Variants in ABCC4 observed in about 807,000 individuals in gnomAD.
ABCC4 encodes ATP binding cassette subfamily C member 4 (PEL blood group).
Under a neutral mutation model 168.5 loss-of-function variants are expected in ABCC4, and 102 were observed. That is an observed-to-expected ratio of 0.61 (90% CI 0.52 to 0.71). The LOEUF (loss-of-function observed/expected upper bound fraction) is 0.71, where lower values mean the gene tolerates loss of function less well. ABCC4 is among the 30% of genes least tolerant of loss of function. The pLI is 0.00. For missense variants in ABCC4, 1,402 were observed against 1,605.8 expected (o/e 0.87, Z 2.17); for synonymous variants, 617 against 590.7 (o/e 1.04, Z -0.65).
rs938330142 is a variant in ABCC4, at chr13:95,042,088, T to C, written c.3735+1594A>G. Among the ~76,000 whole-genome samples, 4 of 152,292 alleles carry C rather than the reference T, an allele frequency of 2.6e-5. No individual in the cohort carries two copies. In the East Asian group the frequency reaches 5.8e-4, roughly 22 times the overall value. ...AGATCGCCATAGATGGAGACACTAA[T>C]GGAGTTGGGAGTGAGAAGGAAAGCT... is the stretch of plus-strand genomic sequence containing the variant. On this transcript the variant is annotated intron_variant, in intron 29 of 30. Coordinates refer to ENST00000645237, the MANE Select transcript of ABCC4 (RefSeq NM_005845.5).
intron 11 of ABCC4, among the ~76,000 whole-genome samples, chr13:95,181,524 T>C (rs532185966): frequency 6.6e-6 from 1 of 152,382 alleles, no homozygotes; most frequent in East Asian, 1.9e-4. Flanking sequence ...TTTATATTTC[T>C]TAGGAAGGAC....
intron 1 of ABCC4, among the ~76,000 whole-genome samples, chr13:95,287,077 T>C (rs535104556): frequency 2.0e-5 from 3 of 152,158 alleles, no homozygotes; most frequent in South Asian, 2.1e-4. Flanking sequence ...GGTGGGCAGA[T>C]TGGCTGAGCT....
rs1353651757 is a variant in ABCC4, at chr13:95,127,389, G to A, written c.2456-11388C>T. On this transcript the variant is annotated intron_variant, in intron 19 of 30. Transcript: ENST00000645237. ...CAACCTCCGCCTCCTGGGTTCAAGC[G>A]ATTCTCCTGCCTCAGCCTCTCAAGT... is the stretch of plus-strand genomic sequence containing the variant. Among the ~76,000 whole-genome samples, 2 of 152,068 alleles carry A rather than the reference G, an allele frequency of 1.3e-5. 1 individual carries two copies. The highest frequency in any genetic ancestry group is 4.1e-4 in the South Asian group (2 of 4,822).
At position 95,210,854 on chromosome 13, in the gene ABCC4, C is replaced by T. The variant is rs996152720; in HGVS notation, c.532-73G>A. 8 of 1,126,240 alleles carry T rather than the reference C, an allele frequency of 7.1e-6. No individual in the cohort carries two copies. The African/African-American group carries it at 1.2e-4, about 17-fold the overall frequency. The allele number at this position is 1,126,240 out of a possible 1,614,324, so 69.8% of individuals were successfully genotyped here. ...AAGTCAGGCTTAGGACACAGCAGAC[C>T]TGAGGAAGTCTCGTGTGATGTCAAG... On this transcript the variant is annotated intron_variant, in intron 4 of 30. Transcript: ENST00000645237.
At chr13:95,028,471 C>T (rs143432922) in intron 30 of ABCC4, among the ~76,000 whole-genome samples, 24 of 152,184 alleles carry the variant, frequency 1.6e-4, no homozygotes, top group African/African-American at 5.5e-4. Flanking sequence ...AAACAAACCG[C>T]TACCACCAAA....
At chr13:95,299,947 T>C (rs1355110178) in intron 1 of ABCC4, among the ~76,000 whole-genome samples, 2 of 152,140 alleles carry the variant, frequency 1.3e-5, no homozygotes, top group African/African-American at 4.8e-5. Flanking sequence ...GTTCAAGCAA[T>C]TCCCCTGCCT....
rs1283612768 is a variant in ABCC4 at position 95,129,511 on chromosome 13, T to C, written c.2456-13510A>G. Among the ~76,000 whole-genome samples the C allele has an allele frequency of 3.3e-5, 5 of 152,214 alleles. No homozygotes were observed. The East Asian group carries it at 9.6e-4, about 29-fold the overall frequency. ...CATAGTACTGATTCAGGACTAAGGT[T>C]GTAGGCTATTTGATGATATTCAATT... On this transcript the variant is annotated intron_variant, in intron 19 of 30. Transcript: ENST00000645237.
At chr13:95,183,246 T>C (rs1226677943) in intron 11 of ABCC4, among the ~76,000 whole-genome samples, 1 of 152,168 alleles carries the variant, frequency 6.6e-6, no homozygotes, top group African/African-American at 2.4e-5. Context: ...GTCTTTATAA[T>C]CCTGCTGTAT....
At position 95,074,250 on chromosome 13, in the gene ABCC4, T is replaced by C. The variant is rs1188488998; in HGVS notation, c.2881A>G (p.Ile961Val). 3 of 1,613,942 alleles carry C rather than the reference T, an allele frequency of 1.9e-6. No individual in the cohort carries two copies. The highest frequency in any genetic ancestry group is 2.7e-5 in the African/African-American group (2 of 74,934). Reference protein sequence around the residue: ...RLDAICAMFVIIVAFGSLILA... With the variant: ...RLDAICAMFVVIVAFGSLILA... The stretch of plus-strand genomic sequence containing the variant: ...ATCAGGGACCCAAAGGCAACGATGA[T>C]GACAAACATGGCACAGATGGCATCC... The change falls in exon 23 of 31, where the codon ATC becomes GTC. Residue 961 changes from isoleucine (I) to valine (V), a missense_variant. Physicochemically the swap from Ile to Val is conservative, Grantham distance 29 (BLOSUM62 3). Transcript: ENST00000645237.
At chr13:95,096,184 G>T in intron 20 of ABCC4, 1 of 624,610 alleles carries the variant, frequency 1.6e-6, no homozygotes, top group Non-Finnish European at 2.8e-6. Context: ...CCATCTCTAT[G>T]AAAGAAAAAA....
rs113963106 is a variant in ABCC4 at position 95,197,175 on chromosome 13, G to A, written c.1162-2238C>T. Among the ~76,000 whole-genome samples the A allele has an allele frequency of 1.1e-3, 169 of 152,282 alleles. 2 individuals carry two copies. Among genetic ancestry groups the A allele is most frequent in the African/African-American group, 4.0e-3 (167 of 41,556 alleles). ...GCATGAACACTGCACTGCACACGGG[G>A]TCAGCTCTTCACAGATACATGCTAC... On this transcript the variant is annotated intron_variant, in intron 8 of 30. Transcript: ENST00000645237.
intron 19 of ABCC4, among the ~76,000 whole-genome samples, chr13:95,150,779 A>T (rs1283781318): frequency 6.6e-6 from 1 of 152,164 alleles, no homozygotes; most frequent in East Asian, 1.9e-4. Flanking sequence ...CCTTTCTCCA[A>T]CACACTTTCC....
At position 95,206,788 on chromosome 13, in the gene ABCC4, G is replaced by A; in HGVS notation, c.912-7C>T. The A allele has an allele frequency of 1.2e-6, 2 of 1,613,734 alleles. No individual in the cohort carries two copies. Among genetic ancestry groups the A allele is most frequent in the South Asian group, 2.2e-5 (2 of 91,048 alleles). ...AATCTTGGAAATCTCCTTCCTGAAA[G>A]AGAGTACAGGTTTTTAAAAAAGCAG... On this transcript the variant is annotated splice_region_variant and splice_polypyrimidine_tract_variant and intron_variant, in intron 7 of 30. Coordinates refer to ENST00000645237, the MANE Select transcript of ABCC4 (RefSeq NM_005845.5).
intron 19 of ABCC4, among the ~76,000 whole-genome samples, chr13:95,121,898 G>T (rs759946049): frequency 3.9e-5 from 6 of 152,150 alleles, no homozygotes; most frequent in Non-Finnish European, 7.4e-5. Context: ...CTGAAGAAAG[G>T]TTTCTGCAGG....
chr13:95,049,815 GGC>G (rs2032753024), intron 27 of ABCC4, among the ~76,000 whole-genome samples: 1 of 152,076 alleles, frequency 6.6e-6, no homozygotes, highest in Non-Finnish European at 1.5e-5. Context: ...AGAAATAAAA[GGC>G]ATCTTTCCTT....
intron 19 of ABCC4, among the ~76,000 whole-genome samples, chr13:95,151,617 AAGAAGGAGAAGAAGGAGG>A (rs1037521376): frequency 1.9e-4 from 26 of 137,504 alleles, no homozygotes; most frequent in Admixed American, 3.6e-4. Context: ...GGAGAAGGAG[AAGAAGGAGAAGAAGGAGG>A]AGAAGGAGAA....
At chr13:95,065,167 C>T (rs2033485028) in intron 25 of ABCC4, among the ~76,000 whole-genome samples, 1 of 152,156 alleles carries the variant, frequency 6.6e-6, no homozygotes, top group African/African-American at 2.4e-5. Context: ...ACACCCATCT[C>T]CCAGGTTTTC....
In ABCC4 at chr13:95,206,601, C is replaced by T. The variant is rs1236209020; in HGVS notation, c.1092G>A (p.Thr364=). 1.7e-5 allele frequency: 27 copies of T among 1,614,038 alleles called. No individual in the cohort carries two copies. Among genetic ancestry groups the T allele is most frequent in the African/African-American group, 1.1e-4 (8 of 74,902 alleles). ...TGGCTGAGGGGAAGAAGAGGGTAAC[C>T]GTCAGCCGCACAGCCCCATACAGCG... The part of the protein sequence containing the change: ...AVTLYGAVRL[T]VTLFFPSAIE... The change falls in exon 8 of 31, where the codon ACG becomes ACA. Residue 364 remains threonine (T), a synonymous_variant. Transcript: ENST00000645237.
At chr13:95,031,150 A>G (rs1451564808) in intron 30 of ABCC4, among the ~76,000 whole-genome samples, 1 of 152,234 alleles carries the variant, frequency 6.6e-6, no homozygotes, top group East Asian at 1.9e-4. Context: ...AAGGTTGACA[A>G]TCTGACAGCT....
Sources: allele counts gnomAD v4.1 joint callset (sites outside exome capture counted in the v4.1 genomes callset), GRCh38; gene constraint gnomAD v4.1.1; transcripts MANE v1.5; gene names NCBI Gene and HGNC (gene_info 2026-07-23, HGNC 2026-07-21).